Variants in WDR64 observed in about 807,000 individuals in gnomAD.
WDR64 encodes WD repeat-containing protein 64.
A neutral mutation model predicts 139.3 loss-of-function variants in WDR64; 112 were observed. That is an observed-to-expected ratio of 0.80 (90% CI 0.69 to 0.94). The LOEUF (loss-of-function observed/expected upper bound fraction) is 0.94. Ranked by LOEUF, WDR64 falls within the 40% of genes least tolerant of loss-of-function variation. The pLI is 0.00. For missense variants in WDR64, 1,206 were observed against 1,293.1 expected (o/e 0.93, Z 1.03); for synonymous variants, 444 against 437.7 (o/e 1.01, Z -0.18).
intron 10 of WDR64, among the ~76,000 whole-genome samples, chr1:241,736,414 T>TAAA (rs1558498751): frequency 2.8e-5 from 3 of 107,768 alleles, no homozygotes; most frequent in African/African-American, 1.2e-4. Flanking sequence ...ATGGAAGAGT[T>TAAA]TAAAAAAAAA....
chr1:241,676,850 G>A (rs1046769874), intron 4 of WDR64, among the ~76,000 whole-genome samples: 3 of 147,488 alleles, frequency 2.0e-5, no homozygotes, highest in African/African-American at 7.6e-5. Flanking sequence ...CTCCCAAATT[G>A]CTGGGATTAC....
At chr1:241,678,419 A>C (rs754097751) in intron 5 of WDR64, among the ~76,000 whole-genome samples, 2 of 152,180 alleles carry the variant, frequency 1.3e-5, no homozygotes, top group African/African-American at 2.4e-5. Flanking sequence ...TTCCGGAGTT[A>C]AACTGACTGC....
intron 24 of WDR64, 27 bp from the exon 25 acceptor site, chr1:241,790,564 T>C (rs767455856): frequency 1.7e-5 from 27 of 1,544,454 alleles, no homozygotes; most frequent in Non-Finnish European, 2.3e-5. Flanking sequence ...TATGGGTATG[T>C]ACTTATTCTT....
intron 26 of WDR64, 78 bp from the exon 27 acceptor site, chr1:241,796,179 C>T (rs1207952464): frequency 1.0e-6 from 1 of 977,116 alleles, no homozygotes; most frequent in Non-Finnish European, 1.5e-6. Flanking sequence ...CCTTCTCACT[C>T]CTCATCCCAA....
At chr1:241,791,650 C>T (rs528121968) in intron 25 of WDR64, among the ~76,000 whole-genome samples, 14 of 150,752 alleles carry the variant, frequency 9.3e-5, no homozygotes, top group African/African-American at 3.2e-4. Context: ...CTAGCTTGGG[C>T]GAAAGAGTGA....
chr1:241,793,536 C>A (rs1659267132), intron 25 of WDR64, among the ~76,000 whole-genome samples: 1 of 152,198 alleles, frequency 6.6e-6, no homozygotes, highest in Non-Finnish European at 1.5e-5. Flanking sequence ...GTATCTACCT[C>A]ATATTTAATA....
At chr1:241,667,942 G>A (rs1450551426) in intron 2 of WDR64, among the ~76,000 whole-genome samples, 1 of 152,178 alleles carries the variant, frequency 6.6e-6, no homozygotes. Flanking sequence ...TTCAATAAAC[G>A]TATGTCTGTT....
At chr1:241,657,372 C>T (rs1665648642) in intron 1 of WDR64, among the ~76,000 whole-genome samples, 1 of 152,104 alleles carries the variant, frequency 6.6e-6, no homozygotes. Flanking sequence ...CCCCATAAAA[C>T]ACCCCAAAGA....
In WDR64 at chr1:241,801,696, A is replaced by G. The variant is rs1415783886; in HGVS notation, c.*481A>G. 2 of 398,548 alleles carry G rather than the reference A, an allele frequency of 5.0e-6. No individual in the cohort carries two copies. The highest frequency in any genetic ancestry group is 8.8e-6 in the Non-Finnish European group (2 of 226,126). 24.7% of individuals were successfully genotyped at this position (398,548 alleles called of 1,614,324 possible). On this transcript the variant is annotated 3_prime_UTR_variant, in exon 28 of 28. Coordinates refer to ENST00000437684, the MANE Select transcript of WDR64 (RefSeq NM_001367482.1). Reference sequence around the variant, plus strand: ...TGTCTTCTTCATTTAGAGAAATATTATCTGGAAGAAAATGTCCTAAGTTTC... The same window carrying G: ...TGTCTTCTTCATTTAGAGAAATATTGTCTGGAAGAAAATGTCCTAAGTTTC...
intron 8 of WDR64, among the ~76,000 whole-genome samples, chr1:241,707,247 T>C (rs1667987837): frequency 6.6e-6 from 1 of 152,180 alleles, no homozygotes; most frequent in Non-Finnish European, 1.5e-5. Context: ...ATAAATGTTG[T>C]TGACTCACTG....
intron 19 of WDR64, 64 bp from the exon 20 acceptor site, chr1:241,772,728 G>C (rs1472318014): frequency 6.6e-7 from 1 of 1,510,546 alleles, no homozygotes; most frequent in Non-Finnish European, 8.9e-7. Context: ...CTCCCAAAGT[G>C]CTGGGATTAC....
Position 241,785,823 on chromosome 1 carries a change from G to A in WDR64, c.2706-2026G>A, listed in dbSNP as rs746763160. On this transcript the variant is annotated intron_variant, in intron 23 of 27. Transcript: ENST00000437684. The stretch of plus-strand genomic sequence containing the variant: ...AAACATAATTGAGGCTGAACTCTGG[G>A]ATGCAGGACAGGTGATCAGTCTGTA... Among the ~76,000 whole-genome samples the A allele has an allele frequency of 2.4e-4, 36 of 152,288 alleles. 1 individual carries two copies. The Middle Eastern group carries it at 0.014, about 58-fold the overall frequency.
At chr1:241,772,510 T>C (rs6429308) in intron 19 of WDR64, among the ~76,000 whole-genome samples, 22,430 of 129,530 alleles carry the variant, frequency 0.17, 2,095 homozygotes, top group African/African-American at 0.23. Context: ...TCCCCCAGGC[T>C]GGAGTGTAGT....
chr1:241,655,640 C>T (rs1194461681), intron 1 of WDR64, among the ~76,000 whole-genome samples: 1 of 152,060 alleles, frequency 6.6e-6, no homozygotes, highest in Non-Finnish European at 1.5e-5. Flanking sequence ...CATTTCCAAA[C>T]ATGCTCTTAA....
chr1:241,801,244 C>A lies in WDR64; in HGVS notation c.*29C>A. On this transcript the variant is annotated 3_prime_UTR_variant, in exon 28 of 28. Coordinates refer to ENST00000437684, the MANE Select transcript of WDR64 (RefSeq NM_001367482.1). ...GAAAAAATCAGAAATGGCTGCTGCA[C>A]ATAAAATGGCAACGTTTGGATGATA... 6.3e-7 allele frequency: 1 copy of A among 1,585,820 alleles called. No homozygotes were observed. Among genetic ancestry groups the A allele is most frequent in the Non-Finnish European group, 8.7e-7 (1 of 1,154,838 alleles).
Position 241,769,444 on chromosome 1 carries a change from C to T in WDR64, c.2122C>T (p.His708Tyr), listed in dbSNP as rs1394703025. Residue 708 changes from histidine to tyrosine, a missense_variant, in exon 17 of 28, where the codon CAT (histidine) becomes TAT (tyrosine). Transcript: ENST00000437684. Reference protein sequence around the residue: ...EDCFTVNPDLHPKHFKINDIL... With the variant: ...EDCFTVNPDLYPKHFKINDIL... Reference sequence around the variant, plus strand: ...TTGCTTCACTGTAAACCCTGACTTGCATCCCAAGCACTTTAAAATTAATGA... The same window carrying T: ...TTGCTTCACTGTAAACCCTGACTTGTATCCCAAGCACTTTAAAATTAATGA... 1.3e-6 allele frequency: 2 copies of T among 1,551,484 alleles called. No homozygotes were observed. Among genetic ancestry groups the T allele is most frequent in the Non-Finnish European group, 1.7e-6 (2 of 1,146,976 alleles).
chr1:241,663,651 T>C (rs543062659), intron 2 of WDR64, among the ~76,000 whole-genome samples: 1 of 152,354 alleles, frequency 6.6e-6, no homozygotes, highest in South Asian at 2.1e-4. Flanking sequence ...GAGTGGGGCC[T>C]TCCAAAGCTG....
At chr1:241,689,898 G>GA (rs1389268683) in intron 8 of WDR64, among the ~76,000 whole-genome samples, 1 of 150,904 alleles carries the variant, frequency 6.6e-6, no homozygotes, top group Non-Finnish European at 1.5e-5. Flanking sequence ...AAGCAAAGAG[G>GA]AAAAAAACTG....
chr1:241,659,560 C>T (rs1222231924), intron 1 of WDR64, among the ~76,000 whole-genome samples: 1 of 152,156 alleles, frequency 6.6e-6, no homozygotes, highest in Non-Finnish European at 1.5e-5. Flanking sequence ...TCCCCAACCT[C>T]GCCAGCATCT....
Sources: gnomAD v4.1 joint callset for allele counts (sites outside exome capture counted in the v4.1 genomes callset) on GRCh38, gnomAD v4.1.1 for gene constraint, MANE v1.5 for transcripts, NCBI Gene and HGNC (gene_info 2026-07-23, HGNC 2026-07-21) for gene names.